Variants in WBP1 observed in about 807,000 individuals in gnomAD.
WBP1 encodes WW domain-binding protein 1.
WBP1 carries 18 observed loss-of-function variants against 25.6 expected under a neutral mutation model. The observed-to-expected ratio is 0.70, with a 90% CI of 0.49 to 1.04. The LOEUF (loss-of-function observed/expected upper bound fraction) is 1.04, where lower values mean the gene tolerates loss of function less well. Ranked by LOEUF, WBP1 falls within the 50% of genes least tolerant of loss-of-function variation. The pLI, the probability that WBP1 is intolerant of heterozygous loss-of-function variation, is 0.00. For synonymous variants in WBP1, 122 were observed against 137.7 expected (o/e 0.89, Z 0.80); for missense variants, 330 against 352.9 (o/e 0.94, Z 0.52).
At chr2:74,458,846 G>T (rs1671795374) in intron 1 of WBP1, 175 bp downstream of exon 1, 3 of 1,544,104 alleles carry the variant, frequency 1.9e-6, no homozygotes, top group African/African-American at 2.7e-5. Context: ...AGCTGACTTT[G>T]CCTGTAGCCT....
chr2:74,458,803 C>G, intron 1 of WBP1, 132 bp downstream of exon 1: 1 of 1,526,806 alleles, frequency 6.5e-7, no homozygotes, highest in Non-Finnish European at 8.8e-7. Flanking sequence ...CATGTCTCTT[C>G]CACTCTTTGT....
chr2:74,460,389 T>C lies in WBP1; in HGVS notation c.518T>C (p.Val173Ala). The C allele has an allele frequency of 2.5e-6, 4 of 1,613,932 alleles. No homozygotes were observed. The highest frequency in any genetic ancestry group is 2.2e-5 in the South Asian group (2 of 91,070). Residue 173 changes from valine to alanine, a missense_variant, in exon 4 of 4, where the codon GTG becomes GCG. Physicochemically the swap from Val to Ala is moderately conservative, Grantham distance 64. Transcript: ENST00000233615. ...CCTGCCCACTTTGAAGGAACAAATGTGGAAGGTGTTTCCTCCCACCAGAGT... is the reference window on the plus strand; with the variant it reads ...CCTGCCCACTTTGAAGGAACAAATGCGGAAGGTGTTTCCTCCCACCAGAGT... ...SCPAHFEGTNVEGVSSHQSAP... is the reference protein window; with the variant it reads ...SCPAHFEGTNAEGVSSHQSAP...
chr2:74,459,243 G>A, intron 1 of WBP1: 1 of 1,191,042 alleles, frequency 8.4e-7, no homozygotes, highest in Non-Finnish European at 1.1e-6. Context: ...ATGACCTACC[G>A]CTACCCGTTG....
rs377511681 is a variant in WBP1 at position 74,460,359 on chromosome 2, G to C, written c.488G>C (p.Ser163Thr). The change falls in exon 4 of 4, where the codon AGC becomes ACC. Residue 163 changes from serine (S) to threonine (T), a missense_variant. Physicochemically the swap from Ser to Thr is moderately conservative, Grantham distance 58. Coordinates refer to ENST00000233615, the MANE Select transcript of WBP1 (RefSeq NM_012477.4). ...CAAACCTGCTGTTCCTCCTCATCCA[G>C]CTGCCCTGCCCACTTTGAAGGAACA... ...SEQTCCSSSS[S>T]CPAHFEGTNV... 3.1e-6 allele frequency: 5 copies of C among 1,613,620 alleles called. No individual in the cohort carries two copies. In the African/African-American group the frequency reaches 6.7e-5, roughly 22 times the overall value.
rs764757065 is a variant in WBP1 at position 74,460,205 on chromosome 2, A to G, written c.350-16A>G. On this transcript the variant is annotated splice_polypyrimidine_tract_variant and intron_variant, in intron 3 of 3. Transcript: ENST00000233615. ...TGGTTGTCTTCAACCAATCATGCCA[A>G]TTTTCTCCCCTGCAGGCTTCCTCAG... 1.0e-5 allele frequency: 16 copies of G among 1,596,988 alleles called. No homozygotes were observed. The highest frequency in any genetic ancestry group is 6.7e-5 in the African/African-American group (5 of 74,316).
rs551404026 is a variant in WBP1, at chr2:74,458,579, C to T, written c.-24C>T. 6 of 1,545,410 alleles carry T rather than the reference C, an allele frequency of 3.9e-6. No individual in the cohort carries two copies. In the East Asian group the frequency reaches 9.6e-5, roughly 25 times the overall value. ...GGCTGGCGGTAGAGGAGGCTGTGGT[C>T]CTCAGGGGGCTGTAGGTGGAGGTAT... On this transcript the variant is annotated 5_prime_UTR_variant, in exon 1 of 4. Transcript: ENST00000233615.
At position 74,460,304 on chromosome 2, in the gene WBP1, C is replaced by G. The variant is rs1671861481; in HGVS notation, c.433C>G (p.Pro145Ala). 1.9e-6 allele frequency: 3 copies of G among 1,614,064 alleles called. No homozygotes were observed. Among genetic ancestry groups the G allele is most frequent in the Non-Finnish European group, 1.7e-6 (2 of 1,179,996 alleles). ...ACCACCCCCCCCTTATACTGTGGCC[C>G]CAGGCCGCCCCTTGACTGCTTCCAG... Reference protein sequence around the residue: ...GTPPPPYTVAPGRPLTASSEQ... With the variant: ...GTPPPPYTVAAGRPLTASSEQ... The change falls in exon 4 of 4, where the codon CCA becomes GCA. Residue 145 changes from proline to alanine, a missense_variant. Pro to Ala is a conservative substitution (Grantham distance 27, BLOSUM62 -1). Coordinates refer to ENST00000233615, the MANE Select transcript of WBP1 (RefSeq NM_012477.4).
At chr2:74,460,108 A>G in intron 3 of WBP1, 59 bp downstream of exon 3, 7 of 1,594,284 alleles carry the variant, frequency 4.4e-6, no homozygotes, top group Non-Finnish European at 6.0e-6. Context: ...CAGAACCCCA[A>G]ATCGTCTCAC....
Position 74,459,853 on chromosome 2 carries a change from TC to T in WBP1, c.173-17del. The stretch of plus-strand genomic sequence containing the variant: ...TCTGCATGAAAGATGCCTGAGTTGC[TC>T]CCTCCTTGCCTCTTGCAGGGTTCTG... On this transcript the variant is annotated intron_variant, in intron 2 of 3. Transcript: ENST00000233615. 2 of 1,612,832 alleles carry T rather than the reference TC, an allele frequency of 1.2e-6. No individual in the cohort carries two copies. Among genetic ancestry groups the T allele is most frequent in the Non-Finnish European group, 1.7e-6 (2 of 1,179,006 alleles).
chr2:74,458,438 C>G lies in WBP1; in HGVS notation c.-165C>G. On this transcript the variant is annotated 5_prime_UTR_variant, in exon 1 of 4. Transcript: ENST00000233615. Reference sequence around the variant, plus strand: ...TTGGTAGGGCAGAGCAATCTGAGTCCTAGTTGGTGGAGTTCTGCCCGGATG... The same window carrying G: ...TTGGTAGGGCAGAGCAATCTGAGTCGTAGTTGGTGGAGTTCTGCCCGGATG... 1 of 1,441,248 alleles carries G rather than the reference C, an allele frequency of 6.9e-7. No individual in the cohort carries two copies. The highest frequency in any genetic ancestry group is 2.8e-5 in the Admixed American group (1 of 36,140). 89.3% of individuals were successfully genotyped at this position (1,441,248 alleles called of 1,614,324 possible).
Sources: allele counts gnomAD v4.1 joint callset, GRCh38; gene constraint gnomAD v4.1.1; transcripts MANE v1.5; gene names NCBI Gene and HGNC (gene_info 2026-07-23, HGNC 2026-07-21).